Variants in EYS observed in about 807,000 individuals in gnomAD.
EYS encodes EGF-like photoreceptor maintenance factor, also known as protein eyes shut homolog.
EYS carries 250 observed loss-of-function variants against 282.1 expected under a neutral mutation model. The ratio of observed to expected loss-of-function variants is 0.89; its 90% CI spans 0.80 to 0.98. The LOEUF (loss-of-function observed/expected upper bound fraction) is 0.98. Among genes scored for constraint, EYS ranks in the 50% least tolerant of loss-of-function variants. The pLI, the probability that EYS is intolerant of heterozygous loss-of-function variation, is 0.00. For missense variants in EYS, 4,016 were observed against 3,709.0 expected (o/e 1.08, Z -2.15); for synonymous variants, 1,355 against 1,282.9 (o/e 1.06, Z -1.20).
At chr6:64,320,056 C>T (rs1770149363) in intron 29 of EYS, among the ~76,000 whole-genome samples, 1 of 151,860 alleles carries the variant, frequency 6.6e-6, no homozygotes, top group South Asian at 2.1e-4. Flanking sequence ...TTTTGAGTGA[C>T]ATTTTTTGTT....
chr6:65,188,004 C>T (rs994665942), intron 12 of EYS, among the ~76,000 whole-genome samples: 2 of 151,776 alleles, frequency 1.3e-5, no homozygotes, highest in Non-Finnish European at 1.5e-5. Flanking sequence ...TAACTGATGA[C>T]TTTTACATTA....
In EYS at chr6:65,474,832, TGAAA is replaced by T. The variant is rs375332175; in HGVS notation, c.862+15758_862+15761del. Reference sequence around the variant, plus strand: ...CAGTAAAAACTTTGAGTAGTGAAGATGAAAGAGCACTAAGAATTAAAAGTGCTCA... The same window carrying T: ...CAGTAAAAACTTTGAGTAGTGAAGATGAGCACTAAGAATTAAAAGTGCTCA... On this transcript the variant is annotated intron_variant, in intron 5 of 42. Coordinates refer to ENST00000503581, the MANE Select transcript of EYS (RefSeq NM_001142800.2). Among the ~76,000 whole-genome samples, 1,048 of 152,106 alleles carry T rather than the reference TGAAA, an allele frequency of 6.9e-3. 17 individuals carry two copies. The highest frequency in any genetic ancestry group is 0.039 in the South Asian group (186 of 4,828).
chr6:64,431,711 C>T (rs775227096), intron 28 of EYS, among the ~76,000 whole-genome samples: 1 of 152,242 alleles, frequency 6.6e-6, no homozygotes, highest in East Asian at 1.9e-4. Context: ...ATGACCTATA[C>T]AACCTGACTA....
At chr6:63,789,297 A>G in intron 37 of EYS, 73 bp from the exon 38 acceptor site, 1 of 1,421,774 alleles carries the variant, frequency 7.0e-7, no homozygotes, top group Non-Finnish European at 9.6e-7. Flanking sequence ...TATTTTACTG[A>G]CTGGTTCTGA....
chr6:64,833,561 C>A (rs918445861), intron 19 of EYS, among the ~76,000 whole-genome samples: 1 of 151,814 alleles, frequency 6.6e-6, no homozygotes. Context: ...TCAAAACAAT[C>A]ATTACATAAT....
chr6:65,333,051 TTATCTA>T (rs1462939825), intron 11 of EYS, among the ~76,000 whole-genome samples: 1 of 151,256 alleles, frequency 6.6e-6, no homozygotes, highest in Non-Finnish European at 1.5e-5. Flanking sequence ...TCTTTATTGT[TTATCTA>T]TATTTTATTT....
At chr6:65,569,123 A>T (rs930447222) in intron 2 of EYS, among the ~76,000 whole-genome samples, 1 of 152,118 alleles carries the variant, frequency 6.6e-6, no homozygotes, top group African/African-American at 2.4e-5. Flanking sequence ...GTGAAAATGT[A>T]TTGTTCCTGC....
chr6:63,984,642 T>C, intron 34 of EYS, 39 bp from the exon 35 acceptor site: 1 of 1,355,978 alleles, frequency 7.4e-7, no homozygotes, highest in Non-Finnish European at 1.0e-6. Context: ...TATAGGTTGT[T>C]GTCAGATTAT....
At chr6:63,957,815 C>T (rs569220524) in intron 35 of EYS, among the ~76,000 whole-genome samples, 4 of 140,694 alleles carry the variant, frequency 2.8e-5, no homozygotes, top group East Asian at 4.1e-4. Context: ...AGACTTGACA[C>T]TCAAACATTT....
intron 26 of EYS, among the ~76,000 whole-genome samples, chr6:64,515,113 T>C (rs981352098): frequency 6.6e-6 from 1 of 151,750 alleles, no homozygotes; most frequent in Non-Finnish European, 1.5e-5. Flanking sequence ...ACCTTGAAAA[T>C]AAAATTTGAT....
intron 15 of EYS, among the ~76,000 whole-genome samples, chr6:64,919,489 T>C (rs1279801127): frequency 1.3e-5 from 2 of 151,294 alleles, no homozygotes; most frequent in African/African-American, 4.8e-5. Flanking sequence ...ATTTCTGTTT[T>C]AATATTAATA....
At chr6:65,117,138 G>T (rs1775399380) in intron 12 of EYS, among the ~76,000 whole-genome samples, 1 of 152,170 alleles carries the variant, frequency 6.6e-6, no homozygotes, top group African/African-American at 2.4e-5. Context: ...CCCAAAGGCT[G>T]CCTTAAGCTT....
chr6:63,721,383 G>T lies in EYS; in HGVS notation c.8648C>A (p.Thr2883Lys). ...DCDGTACGYN[T>K]CRNGGECTVN... is the part of the protein sequence containing the mutation. ...TGTACATTCACCTCCATTTCTGCAT[G>T]TGTTGTACCCACAGGCTGTCCCATC... is the stretch of plus-strand genomic sequence containing the variant. Residue 2883 changes from threonine (T) to lysine (K), a missense_variant, in exon 43 of 43, where the codon ACA becomes AAA. Coordinates refer to ENST00000503581, the MANE Select transcript of EYS (RefSeq NM_001142800.2). 3 of 1,550,576 alleles carry T rather than the reference G, an allele frequency of 1.9e-6. No homozygotes were observed. The highest frequency in any genetic ancestry group is 1.2e-5 in the South Asian group (1 of 84,050).
intron 33 of EYS, among the ~76,000 whole-genome samples, chr6:64,020,735 T>C (rs1562155247): frequency 6.6e-6 from 1 of 152,196 alleles, no homozygotes; most frequent in African/African-American, 2.4e-5. Context: ...ATTTTATTGA[T>C]AGACAGTCAA....
chr6:64,866,677 G>T (rs1766434876), intron 19 of EYS, among the ~76,000 whole-genome samples: 1 of 151,308 alleles, frequency 6.6e-6, no homozygotes, highest in Non-Finnish European at 1.5e-5. Context: ...AATATTTGTA[G>T]TTCTACTTTA....
chr6:64,567,973 T>C (rs1765612685), intron 26 of EYS, among the ~76,000 whole-genome samples: 1 of 152,216 alleles, frequency 6.6e-6, no homozygotes, highest in Non-Finnish European at 1.5e-5. Flanking sequence ...TCTCTGGTCT[T>C]CTGCACAGAT....
At chr6:63,965,987 G>A (rs1766290490) in intron 35 of EYS, among the ~76,000 whole-genome samples, 1 of 152,162 alleles carries the variant, frequency 6.6e-6, no homozygotes, top group Admixed American at 6.5e-5. Flanking sequence ...CTTGAGCAAA[G>A]TGTTTAACCT....
chr6:65,445,746 T>C (rs1481615407), intron 5 of EYS, among the ~76,000 whole-genome samples: 3 of 151,834 alleles, frequency 2.0e-5, no homozygotes, highest in Admixed American at 6.6e-5. Flanking sequence ...TTTTCATATT[T>C]AACCGTCATG....
At chr6:65,387,393 A>T (rs1272886544) in intron 7 of EYS, among the ~76,000 whole-genome samples, 1 of 151,950 alleles carries the variant, frequency 6.6e-6, no homozygotes, top group East Asian at 1.9e-4. Context: ...AATTTATAAG[A>T]TAAAAATCAG....
Sources: allele counts gnomAD v4.1 joint callset (sites outside exome capture counted in the v4.1 genomes callset), GRCh38; gene constraint gnomAD v4.1.1; transcripts MANE v1.5; gene names NCBI Gene and HGNC (gene_info 2026-07-23, HGNC 2026-07-21).